Variants in SH3PXD2A observed in about 807,000 individuals in gnomAD.
SH3PXD2A encodes SH3 and PX domains 2A.
Under a neutral mutation model 115.2 loss-of-function variants are expected in SH3PXD2A, and 32 were observed. The ratio of observed to expected loss-of-function variants is 0.28; its 90% CI spans 0.21 to 0.37. SH3PXD2A has a LOEUF of 0.37. SH3PXD2A is among the 10% of genes least tolerant of loss of function. The pLI is 1.00. For missense variants in SH3PXD2A, 1,328 were observed against 1,498.7 expected, an observed-to-expected ratio of 0.89 and a Z score of 1.88; for synonymous variants, 610 against 629.1, an observed-to-expected ratio of 0.97 and a Z score of 0.45.
intron 8 of SH3PXD2A, among the ~76,000 whole-genome samples, chr10:103,660,272 C>T (rs1342661356): frequency 6.6e-6 from 1 of 152,186 alleles, no homozygotes; most frequent in East Asian, 1.9e-4. Context: ...TTGGGCTCTC[C>T]TCTCTTCACC....
intron 5 of SH3PXD2A, among the ~76,000 whole-genome samples, chr10:103,714,499 C>T (rs570051012): frequency 1.3e-5 from 2 of 152,210 alleles, no homozygotes; most frequent in Non-Finnish European, 2.9e-5. Flanking sequence ...AATCTGCTTC[C>T]CTCCAGCTCG....
rs1013702525 is a variant in SH3PXD2A, at chr10:103,809,830, G to A, written c.73-8468C>T. The stretch of plus-strand genomic sequence containing the variant: ...CTCCTGAGTAGCTGGGATTACAGGC[G>A]TGTGTCACCACACTAGGCTTTTTTT... On this transcript the variant is annotated intron_variant, in intron 1 of 14. Transcript: ENST00000369774. Among the ~76,000 whole-genome samples, 13 of 149,836 alleles carry A rather than the reference G, an allele frequency of 8.7e-5. No individual in the cohort carries two copies. The East Asian group carries it at 9.8e-4, about 11-fold the overall frequency.
At chr10:103,724,502 T>C in intron 4 of SH3PXD2A, 141 bp from the exon 5 acceptor site, 1 of 528,176 alleles carries the variant, frequency 1.9e-6, no homozygotes, top group Non-Finnish European at 3.4e-6. Context: ...GCCACCCACC[T>C]GTCCACCCAG....
intron 8 of SH3PXD2A, among the ~76,000 whole-genome samples, chr10:103,630,392 C>T (rs965891329): frequency 2.6e-5 from 4 of 152,160 alleles, no homozygotes; most frequent in African/African-American, 9.7e-5. Context: ...GTCATGTGAC[C>T]CTGCCTCCTT....
intron 5 of SH3PXD2A, 85 bp downstream of exon 5, chr10:103,724,185 T>A: frequency 1.6e-6 from 1 of 607,206 alleles, no homozygotes. Flanking sequence ...CTGCTTGTGT[T>A]CCCACAGCCT....
At chr10:103,721,374 T>C (rs1467766917) in intron 5 of SH3PXD2A, among the ~76,000 whole-genome samples, 1 of 152,210 alleles carries the variant, frequency 6.6e-6, no homozygotes, top group East Asian at 1.9e-4. Context: ...CACAAAGCCA[T>C]GGCCTGCTGC....
chr10:103,597,561 G>A lies in SH3PXD2A; in HGVS notation c.*4255C>T, dbSNP rs1016801274. 1 of 152,394 alleles carries A rather than the reference G, an allele frequency of 6.6e-6. No individual in the cohort carries two copies. Among genetic ancestry groups the A allele is most frequent in the Non-Finnish European group, 1.5e-5 (1 of 68,046 alleles). 9.4% of individuals were successfully genotyped at this position (152,394 alleles called of 1,614,324 possible). A position where few individuals can be genotyped will look rare whatever the true frequency, so the allele number is the denominator to read the frequency against. On this transcript the variant is annotated 3_prime_UTR_variant, in exon 15 of 15. Coordinates refer to ENST00000369774, the MANE Select transcript of SH3PXD2A (RefSeq NM_001394015.1). ...GAATCCCTTTCTTCTGGGTGGATCT[G>A]GCAGGGACCCCTATCATCTTCCCAA...
At chr10:103,771,980 C>G (rs971928356) in intron 2 of SH3PXD2A, among the ~76,000 whole-genome samples, 2 of 152,164 alleles carry the variant, frequency 1.3e-5, no homozygotes, top group African/African-American at 4.8e-5. Context: ...CAGTCATCCC[C>G]CACCCCCATG....
chr10:103,673,740 A>G (rs1376759450), intron 6 of SH3PXD2A, among the ~76,000 whole-genome samples: 2 of 152,146 alleles, frequency 1.3e-5, no homozygotes, highest in East Asian at 1.9e-4. Context: ...ATCCATCCAA[A>G]CTAATAAATC....
chr10:103,844,369 T>C (rs889568429), intron 1 of SH3PXD2A, among the ~76,000 whole-genome samples: 6 of 152,196 alleles, frequency 3.9e-5, no homozygotes, highest in Non-Finnish European at 8.8e-5. Flanking sequence ...TCCTCTGTTG[T>C]TACAGAGAGA....
At chr10:103,613,285 C>T in intron 11 of SH3PXD2A, 95 bp from the exon 12 acceptor site, 1 of 921,446 alleles carries the variant, frequency 1.1e-6, no homozygotes. Context: ...CCCAGTGGAG[C>T]CTTCCCTACC....
intron 1 of SH3PXD2A, among the ~76,000 whole-genome samples, chr10:103,842,627 G>A (rs2039612166): frequency 6.6e-6 from 1 of 152,134 alleles, no homozygotes; most frequent in Non-Finnish European, 1.5e-5. Flanking sequence ...TCACCTATGA[G>A]TGAGGACAGC....
At chr10:103,804,314 CTTTTTTTTTTTT>C (rs58737094) in intron 1 of SH3PXD2A, among the ~76,000 whole-genome samples, 18 of 59,678 alleles carry the variant, frequency 3.0e-4, no homozygotes, top group Non-Finnish European at 3.2e-4. Flanking sequence ...TTGACATCAT[CTTTTTTTTTTTT>C]TTTTTTTTTT....
At chr10:103,630,117 A>G (rs2036756966) in intron 8 of SH3PXD2A, among the ~76,000 whole-genome samples, 1 of 152,234 alleles carries the variant, frequency 6.6e-6, no homozygotes, top group Non-Finnish European at 1.5e-5. Flanking sequence ...GGCTGCCTGG[A>G]GCAGCACCAC....
rs546000483 is a variant in SH3PXD2A at position 103,638,883 on chromosome 10, G to C, written c.605-11681C>G. Among the ~76,000 whole-genome samples, 8 of 152,336 alleles carry C rather than the reference G, an allele frequency of 5.3e-5. 1 individual carries two copies. The South Asian group carries it at 1.4e-3, about 28-fold the overall frequency. ...TAGGTCTTGGGTGTCTGGAGTTTCA[G>C]GGGGAGAGAGAGACCCTCGTGGTGT... On this transcript the variant is annotated intron_variant, in intron 8 of 14. Transcript: ENST00000369774.
intron 3 of SH3PXD2A, among the ~76,000 whole-genome samples, chr10:103,757,409 G>C (rs999879497): frequency 2.6e-5 from 4 of 152,192 alleles, no homozygotes; most frequent in African/African-American, 9.7e-5. Context: ...CATGAGAAGA[G>C]ACAGGCTTTT....
intron 6 of SH3PXD2A, among the ~76,000 whole-genome samples, chr10:103,672,551 C>A (rs1318507411): frequency 3.3e-5 from 5 of 152,242 alleles, no homozygotes; most frequent in Middle Eastern, 3.2e-3. Context: ...ATTCAGGAGG[C>A]ACAGAGGGCA....
chr10:103,650,967 T>C (rs375598067), intron 8 of SH3PXD2A, among the ~76,000 whole-genome samples: 1 of 152,216 alleles, frequency 6.6e-6, no homozygotes, highest in Non-Finnish European at 1.5e-5. Context: ...TAGATGCTCA[T>C]GTTTGTTGAC....
chr10:103,840,478 G>C (rs1355683446), intron 1 of SH3PXD2A, among the ~76,000 whole-genome samples: 1 of 152,198 alleles, frequency 6.6e-6, no homozygotes, highest in Non-Finnish European at 1.5e-5. Flanking sequence ...CTGGCCACCC[G>C]TGGCTTTTGT....
Sources: gnomAD v4.1 joint callset for allele counts (sites outside exome capture counted in the v4.1 genomes callset) on GRCh38, gnomAD v4.1.1 for gene constraint, MANE v1.5 for transcripts, NCBI Gene and HGNC (gene_info 2026-07-23, HGNC 2026-07-21) for gene names.